The following BAZ2B variants were observed in gnomAD, a reference collection of about 807,000 sequenced individuals.
BAZ2B encodes bromodomain adjacent to zinc finger domain protein 2B.
BAZ2B carries 91 observed loss-of-function variants against 246.0 expected under a neutral mutation model. That is an observed-to-expected ratio of 0.37 (90% CI 0.31 to 0.44). BAZ2B has a LOEUF of 0.44. BAZ2B is among the 20% of genes least tolerant of loss of function. BAZ2B has a pLI of 1.00. For missense variants in BAZ2B, 2,332 were observed against 2,533.7 expected (o/e 0.92, Z 1.71); for synonymous variants, 855 against 860.0 (o/e 0.99, Z 0.10).
At chr2:159,396,138 C>T in intron 19 of BAZ2B, 1 of 203,262 alleles carries the variant, frequency 4.9e-6, no homozygotes, top group Non-Finnish European at 9.8e-6. Flanking sequence ...CAAAAGCTGG[C>T]AGAACAAAAA....
At chr2:159,399,945 C>T (rs193028966) in intron 17 of BAZ2B, among the ~76,000 whole-genome samples, 51 of 152,326 alleles carry the variant, frequency 3.3e-4, no homozygotes, top group African/African-American at 1.2e-3. Flanking sequence ...ATCAGTTATA[C>T]TGCACAGCTC....
At chr2:159,374,845 C>A (rs774181608) in intron 25 of BAZ2B, 92 bp from the exon 26 acceptor site, 2 of 1,069,916 alleles carry the variant, frequency 1.9e-6, no homozygotes, top group African/African-American at 1.7e-5. Flanking sequence ...ATAGGCACTG[C>A]GGAAAGGTAT....
Position 159,561,862 on chromosome 2 carries a change from G to A in BAZ2B, c.-45-5997C>T, listed in dbSNP as rs533405357. ...ATCTTCAAATGTCTTTCAAGTTTAT[G>A]TTTGGGGAAACAGGTTTATTTTACC... On this transcript the variant is annotated intron_variant, in intron 1 of 36. Transcript: ENST00000392783. Among the ~76,000 whole-genome samples the A allele has an allele frequency of 2.0e-5, 3 of 152,270 alleles. No homozygotes were observed. In the South Asian group the frequency reaches 6.2e-4, roughly 32 times the overall value.
Position 159,383,643 on chromosome 2 carries a change from T to G in BAZ2B, c.3724A>C (p.Arg1242=). ...CCTTCTACCACCCATTTATCTCTCC[T>G]CAAGTTTGACATATAATCAATGTTC... ...DKNIDYMSNL[R]RDKWVVEGKL... is the part of the protein sequence containing the mutation. The change falls in exon 24 of 37, where the codon AGG becomes CGG. Residue 1242 remains arginine, a synonymous_variant. Coordinates refer to ENST00000392783, the MANE Select transcript of BAZ2B (RefSeq NM_013450.4). 1 of 1,611,862 alleles carries G rather than the reference T, an allele frequency of 6.2e-7. No individual in the cohort carries two copies. Among genetic ancestry groups the G allele is most frequent in the Non-Finnish European group, 8.5e-7 (1 of 1,178,816 alleles).
intron 1 of BAZ2B, among the ~76,000 whole-genome samples, chr2:159,561,394 A>G (rs994427686): frequency 2.0e-5 from 3 of 152,214 alleles, no homozygotes; most frequent in African/African-American, 7.2e-5. Flanking sequence ...CCTCACCAGA[A>G]GCTGAGCTGA....
At chr2:159,659,999 A>G in the BAZ2B span, among the ~76,000 whole-genome samples, 6 of 152,216 alleles carry the variant, frequency 3.9e-5, no homozygotes, top group South Asian at 1.0e-3. Flanking sequence ...GAAGTGTACA[A>G]TTCAGTGGAA....
At chr2:159,494,347 T>C (rs2151044571) in intron 2 of BAZ2B, among the ~76,000 whole-genome samples, 1 of 152,308 alleles carries the variant, frequency 6.6e-6, no homozygotes, top group African/African-American at 2.4e-5. Context: ...TAATGTATGG[T>C]TTCTACAGGG....
the BAZ2B span, among the ~76,000 whole-genome samples, chr2:159,673,588 C>A: frequency 5.9e-5 from 9 of 151,966 alleles, no homozygotes; most frequent in African/African-American, 2.2e-4. Context: ...TAATTGCAAA[C>A]CACAGGAAAA....
chr2:159,563,456 A>C (rs1339283523), intron 1 of BAZ2B, among the ~76,000 whole-genome samples: 2 of 152,230 alleles, frequency 1.3e-5, no homozygotes, highest in East Asian at 3.8e-4. Context: ...AGTGTAAGGC[A>C]TACATACAAT....
intron 27 of BAZ2B, among the ~76,000 whole-genome samples, chr2:159,362,175 AT>A (rs2059781424): frequency 6.8e-6 from 1 of 147,350 alleles, no homozygotes; most frequent in African/African-American, 2.5e-5. Context: ...GGAAAAAAAA[AT>A]CCTTGGTTTT....
chr2:159,609,176 G>A (rs1298845770), intron 1 of BAZ2B, among the ~76,000 whole-genome samples: 1 of 152,120 alleles, frequency 6.6e-6, no homozygotes, highest in Non-Finnish European at 1.5e-5. Flanking sequence ...CAACATGCAG[G>A]AAACTATTAT....
chr2:159,508,404 A>T (rs888479235), intron 2 of BAZ2B, among the ~76,000 whole-genome samples: 1 of 152,220 alleles, frequency 6.6e-6, no homozygotes, highest in Non-Finnish European at 1.5e-5. Context: ...GTATTCGGTA[A>T]GTTATTCAGA....
At chr2:159,607,613 G>T (rs1213616619) in intron 1 of BAZ2B, among the ~76,000 whole-genome samples, 1 of 152,078 alleles carries the variant, frequency 6.6e-6, no homozygotes, top group Non-Finnish European at 1.5e-5. Context: ...AAGAGGTATG[G>T]GTTGGGGTGA....
chr2:159,371,160 T>A (rs2060810120), intron 27 of BAZ2B, among the ~76,000 whole-genome samples: 2 of 152,016 alleles, frequency 1.3e-5, no homozygotes, highest in African/African-American at 4.8e-5. Flanking sequence ...TTATTTATTT[T>A]TGAGACAGGG....
intron 1 of BAZ2B, among the ~76,000 whole-genome samples, chr2:159,584,559 A>T (rs1687612749): frequency 6.6e-6 from 1 of 152,214 alleles, no homozygotes; most frequent in African/African-American, 2.4e-5. Flanking sequence ...AAGGTGATGA[A>T]AAGTGGTGAG....
intron 1 of BAZ2B, among the ~76,000 whole-genome samples, chr2:159,595,929 C>T (rs1336634338): frequency 6.6e-6 from 1 of 152,198 alleles, no homozygotes; most frequent in African/African-American, 2.4e-5. Context: ...AAATCTTCTT[C>T]CACCACTTGG....
chr2:159,487,459 A>C (rs2079965925), intron 2 of BAZ2B, among the ~76,000 whole-genome samples: 1 of 152,090 alleles, frequency 6.6e-6, no homozygotes, highest in Non-Finnish European at 1.5e-5. Flanking sequence ...TTCTAATCCT[A>C]CTCACTGTGA....
intron 3 of BAZ2B, among the ~76,000 whole-genome samples, chr2:159,455,763 G>GTTTT (rs60866580): frequency 1.3e-3 from 84 of 64,614 alleles, no homozygotes; most frequent in South Asian, 2.4e-3. Flanking sequence ...AAATATTGTG[G>GTTTT]TTTTTTTTTT....
intron 8 of BAZ2B, chr2:159,434,267 T>C (rs1355085891): frequency 6.6e-6 from 1 of 151,878 alleles, no homozygotes; most frequent in Non-Finnish European, 1.5e-5. Flanking sequence ...TTCAAGTGAT[T>C]CTCCTGCCTC....
Sources: allele counts gnomAD v4.1 joint callset (sites outside exome capture counted in the v4.1 genomes callset), GRCh38; gene constraint gnomAD v4.1.1; transcripts MANE v1.5; gene names NCBI Gene and HGNC (gene_info 2026-07-23, HGNC 2026-07-21).